Variants in TJP2 observed in about 807,000 individuals in gnomAD.
TJP2 encodes the protein Friedreich ataxia region gene X104 (tight junction protein ZO-2).
A neutral mutation model predicts 133.1 loss-of-function variants in TJP2; 91 were observed. The ratio of observed to expected loss-of-function variants is 0.68; its 90% confidence interval spans 0.58 to 0.81. The LOEUF is 0.81. Ranked by LOEUF, TJP2 falls within the 40% of genes least tolerant of loss-of-function variation. The pLI, the probability that TJP2 is intolerant of heterozygous loss-of-function variation, is 0.00. For synonymous variants in TJP2, 592 were observed against 583.4 expected (o/e 1.01, Z -0.21); for missense variants, 1,541 against 1,565.6 (o/e 0.98, Z 0.26).
chr9:69,179,102 A>C (rs1053755647), intron 1 of TJP2, among the ~76,000 whole-genome samples: 1 of 152,158 alleles, frequency 6.6e-6, no homozygotes, highest in African/African-American at 2.4e-5. Flanking sequence ...ATGCATGCTC[A>C]TGGCAGGCGA....
chr9:69,228,210 C>G, intron 9 of TJP2, 96 bp downstream of exon 9: 1 of 1,455,740 alleles, frequency 6.9e-7, no homozygotes, highest in South Asian at 1.2e-5. Flanking sequence ...TTTGCAGCCA[C>G]GTGGATGCAG....
chr9:69,162,944 T>C (rs1183103335), intron 2 of TJP2, among the ~76,000 whole-genome samples: 4 of 152,182 alleles, frequency 2.6e-5, no homozygotes, highest in East Asian at 3.8e-4. Flanking sequence ...ATAAAAAGAA[T>C]TGTAAGACCA....
At chr9:69,195,242 T>C (rs60785288) in intron 1 of TJP2, among the ~76,000 whole-genome samples, 57,356 of 151,692 alleles carry the variant, frequency 0.38, 11,050 homozygotes, top group South Asian at 0.44. Context: ...TATATAAGTT[T>C]AGTCAGGTTT....
chr9:69,242,920 G>A (rs1480350445), intron 17 of TJP2, among the ~76,000 whole-genome samples: 1 of 152,216 alleles, frequency 6.6e-6, no homozygotes, highest in Non-Finnish European at 1.5e-5. Context: ...CTAGAGTGCA[G>A]TGGCACGATC....
At chr9:69,200,854 C>G (rs1434851757) in intron 1 of TJP2, among the ~76,000 whole-genome samples, 1 of 152,120 alleles carries the variant, frequency 6.6e-6, no homozygotes, top group Non-Finnish European at 1.5e-5. Context: ...TCAGATTTTC[C>G]TAGGATTAAT....
Position 69,216,429 on chromosome 9 carries a change from G to A in TJP2, c.205G>A (p.Val69Met), listed in dbSNP as rs200422718. 1.1e-5 allele frequency: 17 copies of A among 1,614,070 alleles called. No individual in the cohort carries two copies. The highest frequency in any genetic ancestry group is 1.3e-5 in the African/African-American group (1 of 74,920). ...NGETSIVISDVLPGGPADGLL... is the reference protein window; with the variant it reads ...NGETSIVISDMLPGGPADGLL... The stretch of plus-strand genomic sequence containing the variant: ...AGAAACGTCAATTGTCATTTCTGAT[G>A]TGCTCCCGGGTGGGCCTGCTGATGG... Residue 69 changes from valine (V) to methionine (M), a missense_variant, in exon 3 of 23, where the codon GTG becomes ATG. By Grantham distance (21) the Val-to-Met change is conservative. Coordinates refer to ENST00000377245, the MANE Select transcript of TJP2 (RefSeq NM_004817.4).
chr9:69,122,548 G>GT (rs1475793147), intron 1 of TJP2, among the ~76,000 whole-genome samples: 26 of 152,230 alleles, frequency 1.7e-4, no homozygotes, highest in African/African-American at 5.8e-4. Flanking sequence ...ACAGGGCGTT[G>GT]TAAGTTTCCC....
Position 69,254,439 on chromosome 9 carries a change from C to G in TJP2, c.*65C>G. 6.2e-7 allele frequency: 1 copy of G among 1,601,326 alleles called. No individual in the cohort carries two copies. The highest frequency in any genetic ancestry group is 8.5e-7 in the Non-Finnish European group (1 of 1,171,456). On this transcript the variant is annotated 3_prime_UTR_variant, in exon 23 of 23. Transcript: ENST00000377245. ...ATCAGACTAGCCACTCCTGCCAGGC[C>G]GCCGGGATGGTTCTTCTCCAGTTAG...
chr9:69,236,385 T>A, intron 13 of TJP2, 147 bp downstream of exon 13: 1 of 824,054 alleles, frequency 1.2e-6, no homozygotes, highest in Non-Finnish European at 1.9e-6. Flanking sequence ...GAGAGTGGCC[T>A]GAACTGTAAA....
At chr9:69,183,672 C>T (rs1300742657) in intron 1 of TJP2, among the ~76,000 whole-genome samples, 1 of 152,094 alleles carries the variant, frequency 6.6e-6, no homozygotes, top group African/African-American at 2.4e-5. Context: ...GACATGTACA[C>T]CCATTTCTCT....
At chr9:69,147,059 C>T (rs1823243638) in intron 1 of TJP2, among the ~76,000 whole-genome samples, 1 of 152,036 alleles carries the variant, frequency 6.6e-6, no homozygotes, top group South Asian at 2.1e-4. Context: ...TGTGTATATG[C>T]GTGGAGAGGG....
chr9:69,215,583 G>A (rs1210151514), intron 2 of TJP2, among the ~76,000 whole-genome samples: 1 of 151,908 alleles, frequency 6.6e-6, no homozygotes, highest in African/African-American at 2.4e-5. Context: ...ACAGGGTTTT[G>A]CCATGTTGTC....
chr9:69,220,798 T>G, intron 4 of TJP2, 89 bp from the exon 5 acceptor site: 2 of 1,361,792 alleles, frequency 1.5e-6, no homozygotes, highest in Non-Finnish European at 2.1e-6. Flanking sequence ...ACGGTTTTCC[T>G]GAAACCAGAA....
At chr9:69,122,795 C>T (rs753814570) in intron 1 of TJP2, among the ~76,000 whole-genome samples, 3 of 152,138 alleles carry the variant, frequency 2.0e-5, no homozygotes, top group Admixed American at 6.5e-5. Context: ...GGGAGGCCTC[C>T]GCAGGCAGGT....
chr9:69,224,091 T>TAGCATTTAAAAATGCTTAAGTAGC (rs1829130843), intron 5 of TJP2, among the ~76,000 whole-genome samples: 2 of 152,252 alleles, frequency 1.3e-5, no homozygotes, highest in African/African-American at 4.8e-5. Flanking sequence ...GCATTGAAAG[T>TAGCATTTAAAAATGCTTAAGTAGC]ATTTAAAAAT....
chr9:69,176,184 G>A, intron 1 of TJP2, among the ~76,000 whole-genome samples: 1 of 152,168 alleles, frequency 6.6e-6, no homozygotes, highest in East Asian at 1.9e-4. Flanking sequence ...GGGAATAAAG[G>A]GCATTTGAAC....
intron 4 of TJP2, among the ~76,000 whole-genome samples, chr9:69,219,790 TC>T (rs1485396776): frequency 6.6e-6 from 1 of 152,190 alleles, no homozygotes; most frequent in Non-Finnish European, 1.5e-5. Context: ...TTGCATTTAA[TC>T]ATTATCTCTT....
At chr9:69,225,486 G>A in intron 6 of TJP2, 79 bp downstream of exon 6, 3 of 919,214 alleles carry the variant, frequency 3.3e-6, no homozygotes, top group Middle Eastern at 2.1e-4. Context: ...CACCCACACA[G>A]TGAGACTTAG....
intron 1 of TJP2, among the ~76,000 whole-genome samples, chr9:69,184,691 A>G (rs1434676207): frequency 6.7e-6 from 1 of 148,684 alleles, no homozygotes; most frequent in Non-Finnish European, 1.5e-5. Flanking sequence ...ATAATTTATT[A>G]TTTTCATCAT....
Sources: gnomAD v4.1 joint callset for allele counts (sites outside exome capture counted in the v4.1 genomes callset) on GRCh38, gnomAD v4.1.1 for gene constraint, MANE v1.5 for transcripts, NCBI Gene and HGNC (gene_info 2026-07-23, HGNC 2026-07-21) for gene names.